The following PHACTR4 variants were observed in gnomAD, a reference collection of about 807,000 sequenced individuals.
PHACTR4 encodes the protein phosphatase and actin regulator 4, also known as protein phosphatase 1, regulatory subunit 124.
PHACTR4 carries 51 observed loss-of-function variants against 72.7 expected under a neutral mutation model. The observed-to-expected ratio is 0.70, with a 90% CI of 0.56 to 0.89. The LOEUF (loss-of-function observed/expected upper bound fraction) is 0.89, where lower values mean the gene tolerates loss of function less well. Among genes scored for constraint, PHACTR4 ranks in the 40% least tolerant of loss-of-function variants. The probability of loss-of-function intolerance (pLI) is 0.00; values close to 1 mark genes in which losing one functional copy is unlikely to be tolerated. For missense variants in PHACTR4, 731 were observed against 861.8 expected, an observed-to-expected ratio of 0.85 and a Z score of 1.90; for synonymous variants, 255 against 302.5, an observed-to-expected ratio of 0.84 and a Z score of 1.63.
intron 10 of PHACTR4, among the ~76,000 whole-genome samples, chr1:28,490,737 G>A (rs1660984803): frequency 6.6e-6 from 1 of 151,864 alleles, no homozygotes; most frequent in African/African-American, 2.4e-5. Context: ...CAGCTACTCG[G>A]GAGGCTGAGA....
At chr1:28,472,907 G>A (rs1303939700) in intron 6 of PHACTR4, among the ~76,000 whole-genome samples, 5 of 145,734 alleles carry the variant, frequency 3.4e-5, no homozygotes, top group Non-Finnish European at 6.0e-5. Flanking sequence ...GTGAGCCACC[G>A]TGCCAGCCAC....
rs1203487249 is a variant in PHACTR4 at position 28,466,733 on chromosome 1, C to G, written c.788C>G (p.Pro263Arg). 1.2e-5 allele frequency: 20 copies of G among 1,613,102 alleles called. No individual in the cohort carries two copies. The highest frequency in any genetic ancestry group is 2.2e-5 in the East Asian group (1 of 44,862). The change falls in exon 6 of 14, where the codon CCT becomes CGT. Residue 263 changes from proline to arginine, a missense_variant. Transcript: ENST00000373839. ...GCCAAGCAGCCCCCTATCCCTCCCC[C>G]TAAACCAGCTCACAGAAATAGCAAC... The part of the protein sequence containing the change: ...VPAKQPPIPP[P>R]KPAHRNSNPV...
chr1:28,417,313 GT>G (rs1200834739), intron 2 of PHACTR4, among the ~76,000 whole-genome samples: 1 of 151,968 alleles, frequency 6.6e-6, no homozygotes, highest in East Asian at 1.9e-4. Context: ...AATATGTACT[GT>G]TTTTTTCCTG....
At chr1:28,425,717 G>C (rs1655794002) in intron 2 of PHACTR4, among the ~76,000 whole-genome samples, 1 of 152,130 alleles carries the variant, frequency 6.6e-6, no homozygotes, top group African/African-American at 2.4e-5. Context: ...GTAATATTCA[G>C]GTTTCTTTCT....
chr1:28,429,503 G>C (rs1244891043), intron 2 of PHACTR4, among the ~76,000 whole-genome samples: 1 of 152,160 alleles, frequency 6.6e-6, no homozygotes, highest in Non-Finnish European at 1.5e-5. Flanking sequence ...ATGTAGAGAT[G>C]ATGGGCTATT....
intron 7 of PHACTR4, 102 bp downstream of exon 7, chr1:28,474,253 C>G: frequency 9.1e-7 from 1 of 1,104,246 alleles, no homozygotes; most frequent in Non-Finnish European, 1.3e-6. Flanking sequence ...GGCCTAGTGG[C>G]CCACACCTGT....
At chr1:28,434,746 G>A (rs1170985370) in intron 2 of PHACTR4, among the ~76,000 whole-genome samples, 3 of 151,968 alleles carry the variant, frequency 2.0e-5, no homozygotes, top group African/African-American at 7.3e-5. Context: ...TGCCCAGGCT[G>A]GTCTCAAACT....
At chr1:28,389,624 C>T (rs192721900) in intron 1 of PHACTR4, among the ~76,000 whole-genome samples, 3,331 of 151,876 alleles carry the variant, frequency 0.022, 139 homozygotes, top group African/African-American at 0.076. Context: ...ACGACGGGCG[C>T]GTGCCACCAC....
At chr1:28,372,808 C>T (rs1316189478) in intron 1 of PHACTR4, among the ~76,000 whole-genome samples, 3 of 149,950 alleles carry the variant, frequency 2.0e-5, no homozygotes, top group East Asian at 2.0e-4. Flanking sequence ...GCTGAGATTG[C>T]GCCACTGCAC....
chr1:28,439,438 A>G (rs1447805516), intron 2 of PHACTR4, among the ~76,000 whole-genome samples: 1 of 152,174 alleles, frequency 6.6e-6, no homozygotes, highest in Non-Finnish European at 1.5e-5. Flanking sequence ...AGCTTCCTAG[A>G]TGAAATATCT....
intron 2 of PHACTR4, among the ~76,000 whole-genome samples, chr1:28,416,619 A>G (rs1313865507): frequency 6.6e-6 from 1 of 152,216 alleles, no homozygotes; most frequent in Admixed American, 6.5e-5. Flanking sequence ...ACTTCTGACT[A>G]CGTCTTACTC....
chr1:28,394,778 T>C (rs1273667558), intron 1 of PHACTR4, among the ~76,000 whole-genome samples: 1 of 152,040 alleles, frequency 6.6e-6, no homozygotes, highest in African/African-American at 2.4e-5. Flanking sequence ...GTATTTTTAG[T>C]GGAGATGGGG....
At chr1:28,489,929 G>C (rs1375372916) in intron 10 of PHACTR4, 1 of 517,786 alleles carries the variant, frequency 1.9e-6, no homozygotes, top group Non-Finnish European at 3.9e-6. Flanking sequence ...ACATTTTCTA[G>C]TGTGGGAGCC....
chr1:28,444,825 C>CA (rs1406207589), intron 2 of PHACTR4, among the ~76,000 whole-genome samples: 1 of 142,206 alleles, frequency 7.0e-6, no homozygotes. Context: ...GACGGGGTTT[C>CA]ACCGTGTTAG....
chr1:28,444,703 C>T (rs561518476), intron 2 of PHACTR4, among the ~76,000 whole-genome samples: 72 of 150,546 alleles, frequency 4.8e-4, no homozygotes, highest in African/African-American at 1.6e-3. Flanking sequence ...GCAAGCTCCA[C>T]CTCCCGGGTT....
At chr1:28,469,727 T>C (rs530482281) in intron 6 of PHACTR4, among the ~76,000 whole-genome samples, 63 of 152,322 alleles carry the variant, frequency 4.1e-4, no homozygotes, top group African/African-American at 1.4e-3. Flanking sequence ...TTTTTGTGTG[T>C]GTATGCAGTG....
At chr1:28,486,315 C>T (rs1206467195) in intron 9 of PHACTR4, among the ~76,000 whole-genome samples, 1 of 151,988 alleles carries the variant, frequency 6.6e-6, no homozygotes, top group African/African-American at 2.4e-5. Flanking sequence ...AAGATCGGGC[C>T]ACTGCACTCC....
intron 2 of PHACTR4, among the ~76,000 whole-genome samples, chr1:28,439,447 C>G (rs148756936): frequency 2.7e-4 from 41 of 152,198 alleles, no homozygotes; most frequent in African/African-American, 9.6e-4. Flanking sequence ...GATGAAATAT[C>G]TTCAGTATTT....
chr1:28,404,147 A>C lies in PHACTR4; in HGVS notation c.-38-3263A>C, dbSNP rs534637817. Among the ~76,000 whole-genome samples, 3 of 152,082 alleles carry C rather than the reference A, an allele frequency of 2.0e-5. No homozygotes were observed. The South Asian group carries it at 6.2e-4, about 32-fold the overall frequency. Reference sequence around the variant, plus strand: ...GTATTTTTTGTAGAGACGGGGTTTCACCATGTTGGCTAGGCTTGTCTCAAA... The same window carrying C: ...GTATTTTTTGTAGAGACGGGGTTTCCCCATGTTGGCTAGGCTTGTCTCAAA... On this transcript the variant is annotated intron_variant, in intron 1 of 13. Coordinates refer to ENST00000373839, the MANE Select transcript of PHACTR4 (RefSeq NM_001048183.3).
Sources: allele counts gnomAD v4.1 joint callset (sites outside exome capture counted in the v4.1 genomes callset), GRCh38; gene constraint gnomAD v4.1.1; transcripts MANE v1.5; gene names NCBI Gene and HGNC (gene_info 2026-07-23, HGNC 2026-07-21).